IGBP1C: variants seen among roughly 807,000 people sequenced by gnomAD.
IGBP1C encodes the protein IGBP1 family member C.
chr17:58,686,020 C>G, the IGBP1C span, among the ~76,000 whole-genome samples: 1 of 126,954 alleles, frequency 7.9e-6, no homozygotes, highest in Non-Finnish European at 1.7e-5. Context: ...AAAAAAAGAT[C>G]AAAATAAGGA....
At chr17:58,689,680 A>AC in the IGBP1C span, among the ~76,000 whole-genome samples, 2 of 152,128 alleles carry the variant, frequency 1.3e-5, no homozygotes, top group African/African-American at 4.8e-5. Flanking sequence ...AAAAGTGATT[A>AC]CACAAGAAGG....
chr17:58,665,811 C>T, the IGBP1C span, among the ~76,000 whole-genome samples: 9 of 151,678 alleles, frequency 5.9e-5, no homozygotes, highest in East Asian at 1.8e-3. Context: ...TTTGGGAGGC[C>T]GAGGAGGGTG....
At chr17:58,683,843 G>A in the IGBP1C span, among the ~76,000 whole-genome samples, 1 of 151,578 alleles carries the variant, frequency 6.6e-6, no homozygotes, top group Admixed American at 6.6e-5. Context: ...GAGGCGGGCG[G>A]ATCACAAGGT....
At chr17:58,687,457 G>A in the IGBP1C span, among the ~76,000 whole-genome samples, 3 of 151,978 alleles carry the variant, frequency 2.0e-5, no homozygotes, top group Non-Finnish European at 4.4e-5. Context: ...ACAGAGTGGT[G>A]CCCTGATCAG....
the IGBP1C span, among the ~76,000 whole-genome samples, chr17:58,665,866 T>G: frequency 1.3e-5 from 2 of 151,856 alleles, no homozygotes; most frequent in African/African-American, 4.8e-5. Flanking sequence ...ACCAACGTAG[T>G]GAAAACTCGT....
the IGBP1C span, among the ~76,000 whole-genome samples, chr17:58,662,196 A>G: frequency 1.3e-5 from 2 of 151,016 alleles, no homozygotes; most frequent in African/African-American, 4.9e-5. Flanking sequence ...TCACTCCTGT[A>G]ATCCCCCACT....
chr17:58,686,415 G>C, the IGBP1C span, among the ~76,000 whole-genome samples: 3 of 152,158 alleles, frequency 2.0e-5, no homozygotes, highest in African/African-American at 7.2e-5. Context: ...CAAGGTTCTG[G>C]GAATGGGGTG....
chr17:58,674,382 A>C, the IGBP1C span, among the ~76,000 whole-genome samples: 1 of 152,116 alleles, frequency 6.6e-6, no homozygotes, highest in East Asian at 1.9e-4. Context: ...TTTATGATGA[A>C]AGTCCGGCCA....
At chr17:58,661,522 G>T in the IGBP1C span, 1 of 778,538 alleles carries the variant, frequency 1.3e-6, no homozygotes, top group South Asian at 1.3e-5. Context: ...CTTCGACTTC[G>T]TCCAGAAGCT....
At chr17:58,682,638 T>C in the IGBP1C span, among the ~76,000 whole-genome samples, 1 of 150,998 alleles carries the variant, frequency 6.6e-6, no homozygotes, top group Non-Finnish European at 1.5e-5. Context: ...CTTCCCAAAG[T>C]GCTGGGATTA....
the IGBP1C span, among the ~76,000 whole-genome samples, chr17:58,683,001 C>T: frequency 6.9e-6 from 1 of 144,990 alleles, no homozygotes; most frequent in Non-Finnish European, 1.5e-5. Context: ...TGCAATGTGT[C>T]GAGATCGCGC....
the IGBP1C span, chr17:58,661,669 T>C: frequency 1.6e-6 from 1 of 618,450 alleles, no homozygotes; most frequent in Admixed American, 2.9e-5. Flanking sequence ...TGGCGTAGAT[T>C]TCTAACAACC....
At chr17:58,687,783 AC>A in the IGBP1C span, among the ~76,000 whole-genome samples, 1 of 152,214 alleles carries the variant, frequency 6.6e-6, no homozygotes, top group Non-Finnish European at 1.5e-5. Context: ...GAATACTCTG[AC>A]AGGTTAACTA....
the IGBP1C span, chr17:58,661,536 T>G: frequency 1.3e-6 from 1 of 777,132 alleles, no homozygotes; most frequent in Non-Finnish European, 2.4e-6. Flanking sequence ...AGAAGCTGTT[T>G]GCTGGAATCG....
chr17:58,684,671 AAATAAAT>A, the IGBP1C span, among the ~76,000 whole-genome samples: 3 of 140,176 alleles, frequency 2.1e-5, no homozygotes, highest in East Asian at 6.3e-4. Context: ...ATAAATAAAT[AAATAAAT>A]AAAAAGCTTT....
At chr17:58,687,696 T>C in the IGBP1C span, among the ~76,000 whole-genome samples, 1 of 152,114 alleles carries the variant, frequency 6.6e-6, no homozygotes, top group Non-Finnish European at 1.5e-5. Flanking sequence ...TCTCCCCAGC[T>C]ATAACAAAAA....
chr17:58,678,970 A>T, the IGBP1C span, among the ~76,000 whole-genome samples: 3 of 152,004 alleles, frequency 2.0e-5, no homozygotes, highest in Admixed American at 6.6e-5. Flanking sequence ...CCTGGCCAAC[A>T]TGGTGAAACC....
At chr17:58,685,894 T>C in the IGBP1C span, among the ~76,000 whole-genome samples, 140 of 145,032 alleles carry the variant, frequency 9.7e-4, no homozygotes, top group Non-Finnish European at 1.4e-3. Context: ...ACTCAGGAGG[T>C]TGAGGCAGGA....
chr17:58,674,966 C>T, the IGBP1C span, among the ~76,000 whole-genome samples: 1 of 151,266 alleles, frequency 6.6e-6, no homozygotes, highest in Non-Finnish European at 1.5e-5. Flanking sequence ...GCCAACATGA[C>T]GAAACCCCAT....
Sources: allele counts gnomAD v4.1 joint callset (sites outside exome capture counted in the v4.1 genomes callset), GRCh38; gene constraint gnomAD v4.1.1; transcripts MANE v1.5; gene names NCBI Gene and HGNC (gene_info 2026-07-23, HGNC 2026-07-21).